DLG2: variants seen among roughly 807,000 people sequenced by gnomAD.
DLG2 encodes the protein discs large MAGUK scaffold protein 2.
In DLG2, 45 loss-of-function variants were observed where a neutral mutation model predicts 132.5. The observed-to-expected ratio is 0.34, with a 90% confidence interval of 0.27 to 0.44. The LOEUF (loss-of-function observed/expected upper bound fraction) is 0.44, where lower values mean the gene tolerates loss of function less well. Among genes scored for constraint, DLG2 ranks in the 20% least tolerant of loss-of-function variants. The pLI is 1.00. For missense variants in DLG2, 1,045 were observed against 1,196.9 expected (o/e 0.87, Z 1.87); for synonymous variants, 424 against 419.6 (o/e 1.01, Z -0.13).
chr11:84,489,662 A>C (rs984375122), intron 7 of DLG2, among the ~76,000 whole-genome samples: 4 of 152,116 alleles, frequency 2.6e-5, no homozygotes, highest in African/African-American at 9.7e-5. Flanking sequence ...ATATGCCTTT[A>C]TGATGCTTGT....
chr11:83,631,494 C>G (rs1265815489), intron 19 of DLG2: 1 of 152,014 alleles, frequency 6.6e-6, no homozygotes, highest in Non-Finnish European at 1.5e-5. Flanking sequence ...CCAACCATTA[C>G]TTTGTTACTC....
intron 8 of DLG2, among the ~76,000 whole-genome samples, chr11:84,223,456 G>T (rs979536985): frequency 6.6e-6 from 1 of 152,000 alleles, no homozygotes; most frequent in Non-Finnish European, 1.5e-5. Flanking sequence ...GTTACTTGGT[G>T]GTGGGTCACA....
intron 8 of DLG2, among the ~76,000 whole-genome samples, chr11:84,229,680 G>T (rs913636166): frequency 6.6e-6 from 1 of 152,106 alleles, no homozygotes; most frequent in Non-Finnish European, 1.5e-5. Flanking sequence ...AAGTAGTAAG[G>T]GTTTAGAGCA....
intron 17 of DLG2, among the ~76,000 whole-genome samples, chr11:83,796,068 C>T (rs2042751101): frequency 6.6e-6 from 1 of 152,158 alleles, no homozygotes; most frequent in African/African-American, 2.4e-5. Flanking sequence ...AGTCAGATCT[C>T]TGCTTATTGG....
chr11:83,772,233 C>A (rs2094423066), intron 18 of DLG2, among the ~76,000 whole-genome samples: 1 of 151,826 alleles, frequency 6.6e-6, no homozygotes, highest in Admixed American at 6.6e-5. Context: ...CATAGTGAAA[C>A]CCCGTTGCTA....
chr11:85,510,066 G>C (rs1011065328), intron 3 of DLG2: 1 of 149,102 alleles, frequency 6.7e-6, no homozygotes. Flanking sequence ...AAAAAAACAG[G>C]TTAGTTTTGT....
chr11:83,576,152 C>A (rs1428002080), intron 19 of DLG2, among the ~76,000 whole-genome samples: 1 of 151,936 alleles, frequency 6.6e-6, no homozygotes, highest in Admixed American at 6.6e-5. Flanking sequence ...TTAAACAATG[C>A]CTAAAATATT....
chr11:84,684,213 G>T (rs918781096), intron 6 of DLG2, among the ~76,000 whole-genome samples: 1 of 152,158 alleles, frequency 6.6e-6, no homozygotes, highest in African/African-American at 2.4e-5. Context: ...GAAATGACAA[G>T]CTGAGTAGTA....
chr11:83,769,238 G>A (rs550556381), intron 18 of DLG2, among the ~76,000 whole-genome samples: 1 of 151,992 alleles, frequency 6.6e-6, no homozygotes, highest in Non-Finnish European at 1.5e-5. Context: ...TTATTTTAAG[G>A]ACTAGCCATC....
intron 4 of DLG2, among the ~76,000 whole-genome samples, chr11:85,178,088 AT>A (rs529203798): frequency 9.2e-4 from 140 of 152,068 alleles, no homozygotes; most frequent in African/African-American, 3.1e-3. Context: ...GGACCAGCAA[AT>A]TTTTTTTATA....
At chr11:83,565,579 G>T (rs531980136) in intron 19 of DLG2, among the ~76,000 whole-genome samples, 76 of 152,164 alleles carry the variant, frequency 5.0e-4, no homozygotes, top group Non-Finnish European at 9.3e-4. Context: ...ATTTTTCCCA[G>T]AGTATGTCTT....
chr11:83,510,213 T>TTCCC (rs894520837), intron 21 of DLG2, among the ~76,000 whole-genome samples: 1 of 151,490 alleles, frequency 6.6e-6, no homozygotes, highest in African/African-American at 2.4e-5. Flanking sequence ...CCTCCCCTCA[T>TTCCC]TCCCTCCCTC....
chr11:84,323,720 CTTTTTT>C, intron 7 of DLG2, among the ~76,000 whole-genome samples: 1 of 123,770 alleles, frequency 8.1e-6, no homozygotes, highest in African/African-American at 3.0e-5. Context: ...TTCTTTTTTC[CTTTTTT>C]TTTTTTTTTT....
chr11:85,442,913 A>G (rs924749957), intron 3 of DLG2, among the ~76,000 whole-genome samples: 1 of 152,086 alleles, frequency 6.6e-6, no homozygotes, highest in Non-Finnish European at 1.5e-5. Context: ...GAAGGGAAGA[A>G]GAAGAAAGAA....
rs771559460 is a variant in DLG2, at chr11:84,398,936, C to T, written c.519+135634G>A. ...AGATTTTAATTTTCTATTTGGGCTTCGACTGTGAATTCATTTTCAGAACTC... is the reference window on the plus strand; with the variant it reads ...AGATTTTAATTTTCTATTTGGGCTTTGACTGTGAATTCATTTTCAGAACTC... On this transcript the variant is annotated intron_variant, in intron 7 of 27. Coordinates refer to ENST00000376104, the MANE Select transcript of DLG2 (RefSeq NM_001142699.3). 3.9e-4 allele frequency among the ~76,000 whole-genome samples: 59 copies of T among 152,078 alleles called. 1 individual carries two copies. The highest frequency in any genetic ancestry group is 1.3e-4 in the Admixed American group (2 of 15,270).
chr11:84,242,454 G>A (rs2154344012), intron 8 of DLG2, among the ~76,000 whole-genome samples: 1 of 151,330 alleles, frequency 6.6e-6, no homozygotes, highest in Admixed American at 6.6e-5. Context: ...CACCCAGGCT[G>A]GAGTGCAATG....
chr11:84,714,013 T>C (rs1395432714), intron 6 of DLG2, among the ~76,000 whole-genome samples: 3 of 152,112 alleles, frequency 2.0e-5, no homozygotes. Flanking sequence ...ATAAGTCATG[T>C]ATAAACCAAG....
chr11:84,592,934 A>G (rs1451338748), intron 6 of DLG2, among the ~76,000 whole-genome samples: 1 of 40,800 alleles, frequency 2.5e-5, no homozygotes, highest in Non-Finnish European at 4.9e-5. Context: ...TGTCTCTACT[A>G]AAAAAAAAAA....
intron 3 of DLG2, among the ~76,000 whole-genome samples, chr11:85,530,199 T>G (rs1156818175): frequency 6.6e-6 from 1 of 151,946 alleles, no homozygotes; most frequent in Admixed American, 6.6e-5. Context: ...TTTCTCCACA[T>G]TGGTCAAGCT....
Sources: allele counts gnomAD v4.1 joint callset (sites outside exome capture counted in the v4.1 genomes callset), GRCh38; gene constraint gnomAD v4.1.1; transcripts MANE v1.5; gene names NCBI Gene and HGNC (gene_info 2026-07-23, HGNC 2026-07-21).